NAA35: variants seen among roughly 807,000 people sequenced by gnomAD.
NAA35 encodes N-alpha-acetyltransferase 35, NatC auxiliary subunit, also known as MAK10 homolog, amino-acid N-acetyltransferase subunit.
A neutral mutation model predicts 101.7 loss-of-function variants in NAA35; 18 were observed. The ratio of observed to expected loss-of-function variants is 0.18; its 90% CI spans 0.12 to 0.26. The LOEUF is 0.26. Ranked by LOEUF, NAA35 falls within the 10% of genes least tolerant of loss-of-function variation. The pLI, the probability that NAA35 is intolerant of heterozygous loss-of-function variation, is 1.00. For synonymous variants in NAA35, 267 were observed against 273.1 expected, an observed-to-expected ratio of 0.98 and a Z score of 0.22; for missense variants, 601 against 886.8, an observed-to-expected ratio of 0.68 and a Z score of 4.09.
At chr9:85,956,224 T>G (rs1269011309) in intron 2 of NAA35, 136 bp from the exon 3 acceptor site, 2 of 519,194 alleles carry the variant, frequency 3.9e-6, no homozygotes, top group Non-Finnish European at 6.6e-6. Flanking sequence ...AGTAATTGAG[T>G]AGAAATAAGT....
At chr9:85,947,751 T>C (rs1213989043) in intron 2 of NAA35, among the ~76,000 whole-genome samples, 1 of 152,188 alleles carries the variant, frequency 6.6e-6, no homozygotes, top group Non-Finnish European at 1.5e-5. Flanking sequence ...AAAATATCAA[T>C]AATGCTGCTT....
At chr9:85,997,397 A>G (rs1296389411) in intron 12 of NAA35, among the ~76,000 whole-genome samples, 1 of 150,376 alleles carries the variant, frequency 6.6e-6, no homozygotes. Flanking sequence ...GCTGGAGTGC[A>G]GTGGTGTGAT....
chr9:85,964,821 TCA>T (rs537482922), intron 6 of NAA35, among the ~76,000 whole-genome samples: 71 of 152,350 alleles, frequency 4.7e-4, no homozygotes, highest in Non-Finnish European at 7.2e-4. Context: ...ATTATTTTGA[TCA>T]ATCCATGAAG....
chr9:86,017,819 G>T (rs1342712369), intron 19 of NAA35, among the ~76,000 whole-genome samples: 1 of 152,196 alleles, frequency 6.6e-6, no homozygotes, highest in African/African-American at 2.4e-5. Context: ...GAAGTCTCCA[G>T]TGACAGGCCA....
chr9:86,014,660 A>G (rs1431844758), intron 17 of NAA35, among the ~76,000 whole-genome samples: 1 of 152,156 alleles, frequency 6.6e-6, no homozygotes, highest in Non-Finnish European at 1.5e-5. Context: ...GTTATTCTGT[A>G]TTCTCTGAAG....
At chr9:85,950,275 C>T (rs982531167) in intron 2 of NAA35, among the ~76,000 whole-genome samples, 4 of 152,098 alleles carry the variant, frequency 2.6e-5, no homozygotes, top group Non-Finnish European at 4.4e-5. Context: ...TGTGGAGTTT[C>T]GCTCTTTTTG....
At chr9:86,009,195 A>C (rs1347741685) in intron 14 of NAA35, among the ~76,000 whole-genome samples, 2 of 152,192 alleles carry the variant, frequency 1.3e-5, no homozygotes, top group Non-Finnish European at 2.9e-5. Context: ...GCCTTTTAAA[A>C]GCTTTATTTT....
chr9:85,945,581 A>G (rs1184025661), intron 2 of NAA35, among the ~76,000 whole-genome samples: 3 of 146,514 alleles, frequency 2.0e-5, no homozygotes, highest in Admixed American at 6.7e-5. Context: ...GCTGGAGTGC[A>G]GTGGTGCTGT....
intron 4 of NAA35, 67 bp from the exon 5 acceptor site, chr9:85,959,726 A>C: frequency 9.7e-7 from 1 of 1,035,852 alleles, no homozygotes; most frequent in Non-Finnish European, 1.5e-6. Flanking sequence ...CCAAAATGCT[A>C]CTATACATAG....
At chr9:85,978,225 TGAAA>T in intron 10 of NAA35, 38 bp from the exon 11 acceptor site, 1 of 1,171,446 alleles carries the variant, frequency 8.5e-7, no homozygotes, top group Non-Finnish European at 1.3e-6. Flanking sequence ...TATCTTTCAG[TGAAA>T]GAATATGTAA....
At chr9:85,997,187 C>G (rs1295878364) in intron 12 of NAA35, among the ~76,000 whole-genome samples, 1 of 151,612 alleles carries the variant, frequency 6.6e-6, no homozygotes, top group Non-Finnish European at 1.5e-5. Flanking sequence ...GTGTTGAACT[C>G]CTGGGTTCAA....
chr9:86,000,664 A>G (rs1054104959), intron 12 of NAA35, among the ~76,000 whole-genome samples: 1 of 151,780 alleles, frequency 6.6e-6, no homozygotes, highest in Non-Finnish European at 1.5e-5. Context: ...CATCTCTTCT[A>G]GGTTTTCTAG....
At chr9:86,013,247 A>G (rs1393010288) in intron 16 of NAA35, 103 bp downstream of exon 16, 6 of 623,530 alleles carry the variant, frequency 9.6e-6, no homozygotes, top group Non-Finnish European at 1.5e-5. Context: ...TAATTTTTCA[A>G]CATGATCCAC....
intron 11 of NAA35, among the ~76,000 whole-genome samples, chr9:85,987,709 CT>C (rs535106261): frequency 1.0e-3 from 153 of 152,284 alleles, no homozygotes; most frequent in African/African-American, 3.3e-3. Context: ...GAAATAGAAT[CT>C]TTCCAGTGTC....
At chr9:85,984,307 C>T (rs1031786781) in intron 11 of NAA35, among the ~76,000 whole-genome samples, 2 of 151,872 alleles carry the variant, frequency 1.3e-5, no homozygotes, top group Non-Finnish European at 2.9e-5. Flanking sequence ...CCAGCCTGGA[C>T]GACAGTGAGA....
At chr9:85,995,282 T>A (rs957377862) in intron 11 of NAA35, among the ~76,000 whole-genome samples, 5 of 150,272 alleles carry the variant, frequency 3.3e-5, no homozygotes, top group Non-Finnish European at 7.4e-5. Flanking sequence ...AAAATTTATT[T>A]ATTTAAAATA....
intron 15 of NAA35, among the ~76,000 whole-genome samples, chr9:86,010,654 A>G (rs1251507632): frequency 6.8e-6 from 1 of 147,944 alleles, no homozygotes; most frequent in African/African-American, 2.5e-5. Flanking sequence ...GGCTCACTGC[A>G]AGCTCCGCCT....
intron 11 of NAA35, 107 bp downstream of exon 11, chr9:85,978,488 T>A (rs1011403754): frequency 1.7e-5 from 12 of 702,094 alleles, no homozygotes; most frequent in Non-Finnish European, 2.8e-5. Flanking sequence ...TACCTTGGGA[T>A]GTTTTAATCC....
At chr9:85,964,493 C>G in intron 6 of NAA35, among the ~76,000 whole-genome samples, 1 of 152,236 alleles carries the variant, frequency 6.6e-6, no homozygotes, top group East Asian at 1.9e-4. Context: ...TTAATTGACC[C>G]AATCCTTAGT....
Sources: allele counts gnomAD v4.1 joint callset (sites outside exome capture counted in the v4.1 genomes callset), GRCh38; gene constraint gnomAD v4.1.1; transcripts MANE v1.5; gene names NCBI Gene and HGNC (gene_info 2026-07-23, HGNC 2026-07-21).